Variants in CNTNAP5 observed in about 807,000 individuals in gnomAD.
CNTNAP5 encodes the protein contactin-associated protein-like 5.
A neutral mutation model predicts 150.2 loss-of-function variants in CNTNAP5; 72 were observed. The observed-to-expected ratio is 0.48, with a 90% CI of 0.40 to 0.58. The LOEUF is 0.58. CNTNAP5 is among the 20% of genes least tolerant of loss of function. The pLI, the probability that CNTNAP5 is intolerant of heterozygous loss-of-function variation, is 0.00. For missense variants in CNTNAP5, 1,636 were observed against 1,626.2 expected, an observed-to-expected ratio of 1.01 and a Z score of -0.10; for synonymous variants, 672 against 619.8, an observed-to-expected ratio of 1.08 and a Z score of -1.25.
chr2:124,557,449 A>G (rs1017290600), intron 10 of CNTNAP5, among the ~76,000 whole-genome samples: 3 of 152,144 alleles, frequency 2.0e-5, no homozygotes, highest in African/African-American at 7.2e-5. Context: ...GCTGTGACAA[A>G]CTGAAGAGGC....
At chr2:124,449,315 C>A (rs1245766227) in intron 6 of CNTNAP5, among the ~76,000 whole-genome samples, 4 of 152,084 alleles carry the variant, frequency 2.6e-5, no homozygotes, top group Non-Finnish European at 5.9e-5. Flanking sequence ...ATATTGGAAC[C>A]ATCTCAAAGA....
chr2:124,358,907 G>C (rs1690107232), intron 3 of CNTNAP5, among the ~76,000 whole-genome samples: 2 of 149,288 alleles, frequency 1.3e-5, no homozygotes, highest in Non-Finnish European at 3.0e-5. Context: ...ACCTCTGGTA[G>C]AATTCGGCTG....
intron 3 of CNTNAP5, among the ~76,000 whole-genome samples, chr2:124,293,164 T>C (rs1688343426): frequency 6.6e-6 from 1 of 152,062 alleles, no homozygotes. Context: ...AATTTTTTTA[T>C]ACTTGAAAAT....
intron 1 of CNTNAP5, among the ~76,000 whole-genome samples, chr2:124,203,928 T>C (rs1393033334): frequency 6.6e-6 from 1 of 152,220 alleles, no homozygotes; most frequent in East Asian, 1.9e-4. Context: ...TTTGGCGCCT[T>C]GTTACTTATG....
At chr2:124,421,541 G>A (rs1191701929) in intron 4 of CNTNAP5, among the ~76,000 whole-genome samples, 1 of 152,144 alleles carries the variant, frequency 6.6e-6, no homozygotes. Context: ...GTGAGTAGAA[G>A]CCTCTGTCAG....
intron 2 of CNTNAP5, among the ~76,000 whole-genome samples, chr2:124,237,637 G>C (rs1342617836): frequency 6.6e-6 from 1 of 152,154 alleles, no homozygotes; most frequent in Non-Finnish European, 1.5e-5. Flanking sequence ...AGGAGTTCGA[G>C]AGCAGTCTGG....
chr2:124,732,166 G>C (rs1001023567), intron 13 of CNTNAP5, among the ~76,000 whole-genome samples: 1 of 152,024 alleles, frequency 6.6e-6, no homozygotes, highest in Non-Finnish European at 1.5e-5. Context: ...GTTTTATAAT[G>C]AGTGAGCTCA....
chr2:124,294,038 T>C (rs1245380706), intron 3 of CNTNAP5, among the ~76,000 whole-genome samples: 1 of 152,100 alleles, frequency 6.6e-6, no homozygotes, highest in African/African-American at 2.4e-5. Context: ...CCAGGATGCA[T>C]GGGGCTGGGA....
At chr2:124,681,452 G>A (rs541153911) in intron 13 of CNTNAP5, among the ~76,000 whole-genome samples, 32 of 152,218 alleles carry the variant, frequency 2.1e-4, no homozygotes, top group African/African-American at 7.7e-4. Flanking sequence ...TTTTCTTGTT[G>A]TTGCGTGTTC....
At chr2:124,256,661 AAC>A (rs1428289787) in intron 3 of CNTNAP5, among the ~76,000 whole-genome samples, 1 of 152,184 alleles carries the variant, frequency 6.6e-6, no homozygotes, top group Non-Finnish European at 1.5e-5. Context: ...TGCCCAATAG[AAC>A]ATGGATTAGC....
chr2:124,522,564 C>T (rs994802457), intron 8 of CNTNAP5, among the ~76,000 whole-genome samples: 2 of 152,216 alleles, frequency 1.3e-5, no homozygotes, highest in South Asian at 2.1e-4. Context: ...TCTGGCTGCA[C>T]ATTAGAACCA....
At chr2:124,498,369 T>G (rs1449150020) in intron 7 of CNTNAP5, among the ~76,000 whole-genome samples, 1 of 152,170 alleles carries the variant, frequency 6.6e-6, no homozygotes, top group East Asian at 1.9e-4. Context: ...TGTAAAATAT[T>G]TTAGGCTACA....
At chr2:124,338,141 G>A (rs923459204) in intron 3 of CNTNAP5, among the ~76,000 whole-genome samples, 32 of 152,070 alleles carry the variant, frequency 2.1e-4, no homozygotes, top group African/African-American at 6.5e-4. Flanking sequence ...GTGAATGGGA[G>A]TTCACTCATG....
chr2:124,253,022 T>G (rs1687225554), intron 3 of CNTNAP5, among the ~76,000 whole-genome samples: 1 of 151,586 alleles, frequency 6.6e-6, no homozygotes, highest in Admixed American at 6.6e-5. Flanking sequence ...GTACATAAAA[T>G]ATATATTTAT....
chr2:124,187,562 A>G (rs1685363238), intron 1 of CNTNAP5, among the ~76,000 whole-genome samples: 1 of 152,218 alleles, frequency 6.6e-6, no homozygotes, highest in Non-Finnish European at 1.5e-5. Flanking sequence ...TAATTTTGGG[A>G]TATGAAAGAG....
intron 13 of CNTNAP5, among the ~76,000 whole-genome samples, chr2:124,678,425 A>C (rs916315307): frequency 6.6e-6 from 1 of 151,458 alleles, no homozygotes; most frequent in Non-Finnish European, 1.5e-5. Flanking sequence ...ACCTAACTAC[A>C]TGTTTCAGGT....
intron 3 of CNTNAP5, among the ~76,000 whole-genome samples, chr2:124,285,991 G>A (rs772168496): frequency 3.7e-4 from 57 of 152,066 alleles, no homozygotes; most frequent in Admixed American, 9.8e-4. Flanking sequence ...AAAATATTTT[G>A]TTATTAATAA....
At chr2:124,318,514 A>C (rs1466820602) in intron 3 of CNTNAP5, among the ~76,000 whole-genome samples, 2 of 152,188 alleles carry the variant, frequency 1.3e-5, no homozygotes, top group Non-Finnish European at 2.9e-5. Context: ...TTTGCTCCAC[A>C]GTCAGGCTTT....
chr2:124,599,836 G>T (rs960993920), intron 11 of CNTNAP5, among the ~76,000 whole-genome samples: 3 of 151,502 alleles, frequency 2.0e-5, no homozygotes, highest in Non-Finnish European at 4.4e-5. Context: ...TCATGGGTTG[G>T]GGGGAGCTCC....
Sources: allele counts gnomAD v4.1 joint callset (sites outside exome capture counted in the v4.1 genomes callset), GRCh38; gene constraint gnomAD v4.1.1; transcripts MANE v1.5; gene names NCBI Gene and HGNC (gene_info 2026-07-23, HGNC 2026-07-21).